The following TTBK2 variants were observed in gnomAD, a reference collection of about 807,000 sequenced individuals.
TTBK2 encodes the protein tau-tubulin kinase 2.
TTBK2 carries 28 observed loss-of-function variants against 110.8 expected under a neutral mutation model. The ratio of observed to expected loss-of-function variants is 0.25; its 90% CI spans 0.19 to 0.35. TTBK2 has a LOEUF of 0.35. Among genes scored for constraint, TTBK2 ranks in the 10% least tolerant of loss-of-function variants. The probability of loss-of-function intolerance (pLI) is 1.00; values close to 1 mark genes in which losing one functional copy is unlikely to be tolerated. For synonymous variants in TTBK2, 532 were observed against 527.3 expected, an observed-to-expected ratio of 1.01 and a Z score of -0.12; for missense variants, 1,369 against 1,500.3, an observed-to-expected ratio of 0.91 and a Z score of 1.45.
intron 4 of TTBK2, among the ~76,000 whole-genome samples, chr15:42,833,101 A>G (rs1892828952): frequency 6.6e-6 from 1 of 151,906 alleles, no homozygotes; most frequent in African/African-American, 2.4e-5. Flanking sequence ...GTGGGTACTG[A>G]GCTTAATACC....
At chr15:42,900,392 A>G (rs540250906) in intron 1 of TTBK2, among the ~76,000 whole-genome samples, 6 of 152,330 alleles carry the variant, frequency 3.9e-5, no homozygotes, top group African/African-American at 1.4e-4. Flanking sequence ...TTATGCACAG[A>G]AAAAACCTGA....
chr15:42,847,386 T>C (rs888027984), intron 3 of TTBK2, among the ~76,000 whole-genome samples: 3 of 152,228 alleles, frequency 2.0e-5, no homozygotes, highest in African/African-American at 7.2e-5. Context: ...GTCTTTTCAT[T>C]CTCTTCATAA....
At position 42,801,979 on chromosome 15, in the gene TTBK2, T is replaced by C. The variant is rs533884627; in HGVS notation, c.823-7178A>G. ...AGTCTCCAGCTGCCACTTAAGGTTG[T>C]TGATGTAGCTCTCGAACATGTTGTC... On this transcript the variant is annotated intron_variant, in intron 9 of 14. Transcript: ENST00000267890. 3 of 1,551,324 alleles carry C rather than the reference T, an allele frequency of 1.9e-6. No homozygotes were observed. The South Asian group carries it at 3.3e-5, about 17-fold the overall frequency.
chr15:42,808,740 C>T, intron 9 of TTBK2, among the ~76,000 whole-genome samples: 1 of 151,562 alleles, frequency 6.6e-6, no homozygotes. Context: ...GATCAAGCTA[C>T]TCAGGAGGCT....
chr15:42,809,919 A>G (rs1483028681), intron 9 of TTBK2, among the ~76,000 whole-genome samples: 1 of 152,244 alleles, frequency 6.6e-6, no homozygotes, highest in African/African-American at 2.4e-5. Context: ...ATTAACATGC[A>G]GTAAAGTCTA....
Position 42,872,607 on chromosome 15 carries a change from T to C in TTBK2, c.217+4A>G. ...ATAAATTGTATATTCTACAAAGGGC[T>C]TACCTTGCAGCTTTTTCAAAACAGC... is the stretch of plus-strand genomic sequence containing the variant. On this transcript the variant is annotated splice_donor_region_variant and intron_variant, in intron 3 of 14. Coordinates refer to ENST00000267890, the MANE Select transcript of TTBK2 (RefSeq NM_173500.4). 6.2e-7 allele frequency: 1 copy of C among 1,614,090 alleles called. No homozygotes were observed. The highest frequency in any genetic ancestry group is 2.2e-5 in the East Asian group (1 of 44,868).
Position 42,739,729 on chromosome 15 carries a change from G to A in TTBK2, c.*6066C>T, listed in dbSNP as rs2140528633. On this transcript the variant is annotated 3_prime_UTR_variant, in exon 15 of 15. Coordinates refer to ENST00000267890, the MANE Select transcript of TTBK2 (RefSeq NM_173500.4). The stretch of plus-strand genomic sequence containing the variant: ...TGATGAACAGTTCAAATAGAAGATT[G>A]TTTTGGAAAAAGTCCCAAGGGCTTT... 6.6e-6 allele frequency: 1 copy of A among 152,324 alleles called. No individual in the cohort carries two copies. Among genetic ancestry groups the A allele is most frequent in the East Asian group, 1.9e-4 (1 of 5,186 alleles). 9.4% of individuals were successfully genotyped at this position (152,324 alleles called of 1,614,324 possible).
intron 1 of TTBK2, among the ~76,000 whole-genome samples, chr15:42,912,365 A>G (rs975342047): frequency 3.9e-5 from 6 of 152,226 alleles, no homozygotes; most frequent in Non-Finnish European, 7.3e-5. Flanking sequence ...GGGAAACTAG[A>G]TAATTCACCA....
intron 13 of TTBK2, among the ~76,000 whole-genome samples, chr15:42,756,292 A>G (rs878916581): frequency 6.6e-6 from 1 of 151,990 alleles, no homozygotes; most frequent in Admixed American, 6.6e-5. Flanking sequence ...GTGCTATAAA[A>G]ATAATACTCC....
chr15:42,895,239 T>G (rs552536375), intron 1 of TTBK2, among the ~76,000 whole-genome samples: 1 of 152,178 alleles, frequency 6.6e-6, no homozygotes, highest in African/African-American at 2.4e-5. Context: ...GGAAACACAC[T>G]ACATGATTTT....
intron 1 of TTBK2, among the ~76,000 whole-genome samples, chr15:42,888,879 C>T (rs1295356904): frequency 6.6e-6 from 1 of 152,176 alleles, no homozygotes; most frequent in East Asian, 1.9e-4. Context: ...ACTTCTGTCC[C>T]TCATGGCCAG....
At chr15:42,828,209 T>C (rs1892610090) in intron 5 of TTBK2, among the ~76,000 whole-genome samples, 177 bp from the exon 6 acceptor site, 1 of 152,202 alleles carries the variant, frequency 6.6e-6, no homozygotes, top group Non-Finnish European at 1.5e-5. Context: ...TTTTGGGTTC[T>C]ATTAGTGCCT....
chr15:42,878,201 C>G (rs1243231270), intron 2 of TTBK2, among the ~76,000 whole-genome samples: 2 of 149,608 alleles, frequency 1.3e-5, no homozygotes, highest in African/African-American at 2.5e-5. Context: ...CCAAGATGGT[C>G]TTGATCTCCT....
At chr15:42,855,226 A>C (rs973849348) in intron 3 of TTBK2, 2 of 152,120 alleles carry the variant, frequency 1.3e-5, no homozygotes, top group African/African-American at 2.4e-5. Flanking sequence ...TTTAAGTATC[A>C]TAACACAAGT....
In TTBK2 at chr15:42,777,041, G is replaced by A. The variant is rs377471302; in HGVS notation, c.1399C>T (p.Leu467Phe). ...TACACTATTTTATACCAGGTCTCAAGGAACTTGTCAGTGTCTGGCTTTGGC... is the reference window on the plus strand; with the variant it reads ...TACACTATTTTATACCAGGTCTCAAAGAACTTGTCAGTGTCTGGCTTTGGC... ...LEPKPDTDKF[L>F]ETCLEKMQKD... The change falls in exon 12 of 15, where the codon CTT becomes TTT. Residue 467 changes from leucine to phenylalanine, a missense_variant. Transcript: ENST00000267890. The A allele has an allele frequency of 7.4e-6, 12 of 1,614,034 alleles. No individual in the cohort carries two copies. Among genetic ancestry groups the A allele is most frequent in the Non-Finnish European group, 8.5e-6 (10 of 1,179,934 alleles).
intron 1 of TTBK2, among the ~76,000 whole-genome samples, chr15:42,900,078 C>T (rs187324085): frequency 4.9e-4 from 75 of 151,882 alleles, no homozygotes; most frequent in African/African-American, 1.7e-3. Flanking sequence ...ACTGCACCTC[C>T]ACCGCCCGGG....
chr15:42,902,896 A>G (rs1484330818), intron 1 of TTBK2, among the ~76,000 whole-genome samples: 7 of 151,880 alleles, frequency 4.6e-5, no homozygotes, highest in Non-Finnish European at 1.0e-4. Context: ...GAGGCAGGAG[A>G]ATCGCTGGAA....
rs905099262 is a variant in TTBK2, at chr15:42,740,191, G to T, written c.*5604C>A. The T allele has an allele frequency of 3.9e-5, 6 of 152,144 alleles. No homozygotes were observed. The East Asian group carries it at 1.2e-3, about 29-fold the overall frequency. The allele number at this position is 152,144 out of a possible 1,614,324, so 9.4% of individuals were successfully genotyped here. ...AGCATCGCCAGTGTACATATATTCT[G>T]TGCCCATACTACCACTAACGCTTCC... On this transcript the variant is annotated 3_prime_UTR_variant, in exon 15 of 15. Transcript: ENST00000267890.
intron 1 of TTBK2, among the ~76,000 whole-genome samples, chr15:42,880,367 T>A (rs998612749): frequency 2.0e-5 from 3 of 152,180 alleles, no homozygotes; most frequent in Admixed American, 1.3e-4. Flanking sequence ...CAAATCCTAT[T>A]TAAGACCAGC....
Sources: allele counts gnomAD v4.1 joint callset (sites outside exome capture counted in the v4.1 genomes callset), GRCh38; gene constraint gnomAD v4.1.1; transcripts MANE v1.5; gene names NCBI Gene and HGNC (gene_info 2026-07-23, HGNC 2026-07-21).